MYO9A: variants seen among roughly 807,000 people sequenced by gnomAD.
The protein encoded by MYO9A is myosin IXA, also known as unconventional myosin-IXa.
Under a neutral mutation model 293.3 loss-of-function variants are expected in MYO9A, and 103 were observed. The observed-to-expected ratio is 0.35, with a 90% CI of 0.30 to 0.41. The LOEUF (loss-of-function observed/expected upper bound fraction) is 0.41. MYO9A is among the 10% of genes least tolerant of loss of function. The pLI, the probability that MYO9A is intolerant of heterozygous loss-of-function variation, is 1.00. For synonymous variants in MYO9A, 1,001 were observed against 1,035.7 expected, an observed-to-expected ratio of 0.97 and a Z score of 0.64; for missense variants, 2,685 against 3,033.0, an observed-to-expected ratio of 0.89 and a Z score of 2.69.
intron 39 of MYO9A, chr15:71,847,324 G>T (rs181496138): frequency 5.2e-5 from 20 of 386,814 alleles, no homozygotes; most frequent in Non-Finnish European, 5.1e-5. Flanking sequence ...GGGTGGACAG[G>T]CATGAATGAT....
intron 2 of MYO9A, among the ~76,000 whole-genome samples, chr15:72,044,159 C>G (rs574920834): frequency 6.6e-6 from 1 of 152,244 alleles, no homozygotes; most frequent in African/African-American, 2.4e-5. Context: ...GTAATCCCAG[C>G]ACTTTGGGAA....
chr15:71,999,951 G>A lies in MYO9A; in HGVS notation c.1381-11C>T. 6.3e-7 allele frequency: 1 copy of A among 1,594,504 alleles called. No homozygotes were observed. Among genetic ancestry groups the A allele is most frequent in the Non-Finnish European group, 8.6e-7 (1 of 1,168,676 alleles). On this transcript the variant is annotated splice_polypyrimidine_tract_variant and intron_variant, in intron 8 of 41. Coordinates refer to ENST00000356056, the MANE Select transcript of MYO9A (RefSeq NM_006901.4). Reference sequence around the variant, plus strand: ...CATCTCTTCTTTAACCTATAAAACAGAAAAGTAAACTCAATATGTAAGATT... The same window carrying A: ...CATCTCTTCTTTAACCTATAAAACAAAAAAGTAAACTCAATATGTAAGATT...
chr15:72,046,414 T>C lies in MYO9A; in HGVS notation c.150A>G (p.Ile50Met). Residue 50 changes from isoleucine (I) to methionine (M), a missense_variant, in exon 2 of 42, where the codon ATA becomes ATG. By Grantham distance (10) the Ile-to-Met change is conservative. Coordinates refer to ENST00000356056, the MANE Select transcript of MYO9A (RefSeq NM_006901.4). The part of the protein sequence containing the change: ...STAAEVIESL[I>M]NKLHLDKTKC... The stretch of plus-strand genomic sequence containing the variant: ...TTGTTTTGTCAAGATGAAGTTTGTT[T>C]ATAAGAGACTCAATCACCTCAGCAG... 6.2e-7 allele frequency: 1 copy of C among 1,614,226 alleles called. No individual in the cohort carries two copies. Among genetic ancestry groups the C allele is most frequent in the Non-Finnish European group, 8.5e-7 (1 of 1,180,042 alleles).
At chr15:71,888,420 C>G in intron 26 of MYO9A, 1 of 177,882 alleles carries the variant, frequency 5.6e-6, no homozygotes, top group Non-Finnish European at 1.2e-5. Context: ...ACAAAAGATG[C>G]AGGATCTAAT....
At chr15:71,998,728 C>G (rs1394083896) in intron 9 of MYO9A, among the ~76,000 whole-genome samples, 1 of 151,740 alleles carries the variant, frequency 6.6e-6, no homozygotes, top group Non-Finnish European at 1.5e-5. Flanking sequence ...TCCCTCCCCG[C>G]TTCCCCCACC....
At chr15:71,890,303 C>T (rs1346106479) in intron 26 of MYO9A, 1 of 152,070 alleles carries the variant, frequency 6.6e-6, no homozygotes, top group East Asian at 1.9e-4. Flanking sequence ...TTTAGTTTTA[C>T]TATGCTAGAA....
At chr15:72,099,586 C>G (rs1457478720) in intron 1 of MYO9A, among the ~76,000 whole-genome samples, 2 of 151,060 alleles carry the variant, frequency 1.3e-5, no homozygotes, top group Admixed American at 6.6e-5. Context: ...TAGGCAACAG[C>G]GAGACCTTGT....
At chr15:72,069,515 C>T (rs2079119101) in intron 1 of MYO9A, among the ~76,000 whole-genome samples, 1 of 152,078 alleles carries the variant, frequency 6.6e-6, no homozygotes, top group Non-Finnish European at 1.5e-5. Context: ...GGTTATACTT[C>T]ACAATCCCTA....
At chr15:71,880,895 A>G (rs2056853854) in intron 28 of MYO9A, among the ~76,000 whole-genome samples, 1 of 152,236 alleles carries the variant, frequency 6.6e-6, no homozygotes, top group African/African-American at 2.4e-5. Flanking sequence ...AAAGAAGAGA[A>G]TATAAAACCA....
intron 11 of MYO9A, among the ~76,000 whole-genome samples, chr15:71,983,608 G>C (rs1278337957): frequency 6.7e-6 from 1 of 150,000 alleles, no homozygotes; most frequent in Non-Finnish European, 1.5e-5. Flanking sequence ...TCAGCCTCCT[G>C]AGTAGCTGGG....
chr15:72,061,362 AAAAT>A (rs1243910309), intron 1 of MYO9A, among the ~76,000 whole-genome samples: 2 of 152,134 alleles, frequency 1.3e-5, no homozygotes. Flanking sequence ...CAGCTACAGT[AAAAT>A]AAAGTACTAA....
intron 39 of MYO9A, among the ~76,000 whole-genome samples, chr15:71,831,187 T>TAAAC (rs2054710939): frequency 6.6e-6 from 1 of 152,196 alleles, no homozygotes; most frequent in South Asian, 2.1e-4. Context: ...GCTGTGACTC[T>TAAAC]AAACAGAGCT....
chr15:71,855,854 G>A (rs2254976), intron 34 of MYO9A, among the ~76,000 whole-genome samples: 2,367 of 152,080 alleles, frequency 0.016, 60 homozygotes, highest in African/African-American at 0.052. Flanking sequence ...AACCTTTAGC[G>A]GCTAATTAGT....
chr15:71,973,880 GC>G (rs2076073863), intron 12 of MYO9A, among the ~76,000 whole-genome samples: 1 of 152,134 alleles, frequency 6.6e-6, no homozygotes, highest in Admixed American at 6.5e-5. Context: ...AGCACAAAAT[GC>G]CAATAAGAAC....
intron 9 of MYO9A, among the ~76,000 whole-genome samples, chr15:71,998,405 T>G (rs181973224): frequency 6.6e-6 from 1 of 152,248 alleles, no homozygotes; most frequent in Admixed American, 6.5e-5. Context: ...GACACAAGTT[T>G]ACCTATATAA....
At chr15:72,033,081 G>A (rs574286615) in intron 2 of MYO9A, among the ~76,000 whole-genome samples, 85 of 152,060 alleles carry the variant, frequency 5.6e-4, no homozygotes, top group Middle Eastern at 3.4e-3. Context: ...GAACCCCTGA[G>A]CTCAGGCAAT....
chr15:72,023,868 G>C (rs78711746), intron 4 of MYO9A, among the ~76,000 whole-genome samples: 1 of 152,094 alleles, frequency 6.6e-6, no homozygotes, highest in African/African-American at 2.4e-5. Flanking sequence ...ACTCTAGAGA[G>C]TATAAACTCA....
chr15:72,032,691 TAA>T (rs758910962), intron 2 of MYO9A, 103 bp from the exon 3 acceptor site: 2 of 620,810 alleles, frequency 3.2e-6, no homozygotes, highest in Admixed American at 3.7e-5. Context: ...GACAAAATGT[TAA>T]AGAGACAGTA....
chr15:71,893,620 CCAAAATAATGT>C, intron 26 of MYO9A, 48 bp downstream of exon 26: 3 of 1,376,538 alleles, frequency 2.2e-6, no homozygotes, highest in Non-Finnish European at 2.1e-6. Context: ...ATAATAATTT[CCAAAATAATGT>C]ACATCTCTTT....
Sources: allele counts gnomAD v4.1 joint callset (sites outside exome capture counted in the v4.1 genomes callset), GRCh38; gene constraint gnomAD v4.1.1; transcripts MANE v1.5; gene names NCBI Gene and HGNC (gene_info 2026-07-23, HGNC 2026-07-21).